The following TMC1 variants were observed in gnomAD, a reference collection of about 807,000 sequenced individuals.
The protein encoded by TMC1 is transmembrane channel like 1.
In TMC1, 84 loss-of-function variants were observed where a neutral mutation model predicts 105.8. The ratio of observed to expected loss-of-function variants is 0.79; its 90% CI spans 0.67 to 0.95. The LOEUF (loss-of-function observed/expected upper bound fraction) is 0.95, where lower values mean the gene tolerates loss of function less well. TMC1 is among the 40% of genes least tolerant of loss of function. The pLI is 0.00. For synonymous variants in TMC1, 315 were observed against 311.5 expected (o/e 1.01, Z -0.12); for missense variants, 817 against 914.1 (o/e 0.89, Z 1.37).
intron 1 of TMC1, among the ~76,000 whole-genome samples, chr9:72,569,093 C>A (rs1824220143): frequency 6.6e-6 from 1 of 152,014 alleles, no homozygotes; most frequent in African/African-American, 2.4e-5. Flanking sequence ...CCTCAGATAC[C>A]AAAATTTGGA....
intron 8 of TMC1, among the ~76,000 whole-genome samples, chr9:72,733,215 T>TAG (rs1302573732): frequency 1.3e-5 from 2 of 151,074 alleles, no homozygotes; most frequent in African/African-American, 2.4e-5. Flanking sequence ...TTGAGAGAGA[T>TAG]AGAGAGAGAG....
At chr9:72,594,209 T>C (rs1824684053) in intron 2 of TMC1, among the ~76,000 whole-genome samples, 1 of 152,058 alleles carries the variant, frequency 6.6e-6, no homozygotes, top group Non-Finnish European at 1.5e-5. Flanking sequence ...CCTGAAGAAA[T>C]GGACAAAGCA....
intron 6 of TMC1, among the ~76,000 whole-genome samples, chr9:72,690,645 C>A (rs1348448796): frequency 6.6e-6 from 1 of 152,096 alleles, no homozygotes; most frequent in East Asian, 1.9e-4. Context: ...TTTAAAATAT[C>A]ATCCTACTTT....
At chr9:72,752,325 TTGCCAAGTTAG>T (rs1827592978) in intron 11 of TMC1, among the ~76,000 whole-genome samples, 2 of 152,160 alleles carry the variant, frequency 1.3e-5, no homozygotes, top group African/African-American at 2.4e-5. Context: ...TTTCTTTATT[TTGCCAAGTTAG>T]CTTTGAAAGA....
chr9:72,696,785 A>C (rs1332544220), intron 7 of TMC1, among the ~76,000 whole-genome samples: 1 of 152,188 alleles, frequency 6.6e-6, no homozygotes, highest in Non-Finnish European at 1.5e-5. Flanking sequence ...TATTCATAGC[A>C]GTGAGAAATT....
chr9:72,523,765 G>T (rs998039275), intron 1 of TMC1, among the ~76,000 whole-genome samples: 2 of 151,918 alleles, frequency 1.3e-5, no homozygotes, highest in African/African-American at 4.8e-5. Flanking sequence ...CATATGAGTG[G>T]ACCCATGCAG....
intron 5 of TMC1, among the ~76,000 whole-genome samples, chr9:72,651,850 G>A (rs753430033): frequency 1.1e-4 from 17 of 152,082 alleles, no homozygotes; most frequent in Non-Finnish European, 1.5e-4. Context: ...AGATTTTGGT[G>A]CACCTATCAC....
At chr9:72,831,939 T>G (rs926137173) in intron 23 of TMC1, among the ~76,000 whole-genome samples, 2 of 151,744 alleles carry the variant, frequency 1.3e-5, no homozygotes, top group African/African-American at 4.8e-5. Context: ...TTATAATCCT[T>G]TGGGTATATA....
chr9:72,548,216 C>T (rs1178728921), intron 1 of TMC1, among the ~76,000 whole-genome samples: 4 of 152,030 alleles, frequency 2.6e-5, no homozygotes, highest in African/African-American at 9.7e-5. Flanking sequence ...ATGTAGAATA[C>T]AGTATTTATT....
intron 1 of TMC1, among the ~76,000 whole-genome samples, chr9:72,553,214 C>A (rs984929774): frequency 6.6e-6 from 1 of 152,116 alleles, no homozygotes; most frequent in Admixed American, 6.6e-5. Context: ...CTCAGGTGAT[C>A]CACCGGCCTC....
intron 8 of TMC1, 72 bp downstream of exon 8, chr9:72,700,715 TATA>T: frequency 2.2e-5 from 2 of 89,624 alleles, no homozygotes; most frequent in Non-Finnish European, 2.7e-5. Context: ...GAATATTCCA[TATA>T]TATATATATA....
In TMC1 at chr9:72,722,012, A is replaced by G. The variant is rs1255208203; in HGVS notation, c.363-18107A>G. 2.6e-5 allele frequency among the ~76,000 whole-genome samples: 4 copies of G among 152,180 alleles called. No individual in the cohort carries two copies. In the East Asian group the frequency reaches 5.8e-4, roughly 22 times the overall value. On this transcript the variant is annotated intron_variant, in intron 8 of 23. Coordinates refer to ENST00000297784, the MANE Select transcript of TMC1 (RefSeq NM_138691.3). ...AACTTACTTTCCAAAGCAAACTCTC[A>G]TTAATTACTGATGATGACCATGAGG... is the stretch of plus-strand genomic sequence containing the variant.
chr9:72,804,662 G>A (rs528682428), intron 17 of TMC1, among the ~76,000 whole-genome samples: 16 of 152,298 alleles, frequency 1.1e-4, no homozygotes, highest in Admixed American at 2.6e-4. Context: ...GGATTTTCTT[G>A]ATCAAGCTCC....
intron 2 of TMC1, among the ~76,000 whole-genome samples, chr9:72,614,579 T>C (rs1825089564): frequency 6.6e-6 from 1 of 152,232 alleles, no homozygotes; most frequent in Admixed American, 6.5e-5. Context: ...AGGGAATAAC[T>C]TGGCCTTAAA....
At chr9:72,529,834 G>A (rs191296825) in intron 1 of TMC1, among the ~76,000 whole-genome samples, 1 of 152,254 alleles carries the variant, frequency 6.6e-6, no homozygotes, top group East Asian at 1.9e-4. Context: ...TCCCTCACCT[G>A]CAGCTAGATA....
chr9:72,669,213 G>A (rs1826090435), intron 5 of TMC1, among the ~76,000 whole-genome samples: 1 of 152,170 alleles, frequency 6.6e-6, no homozygotes, highest in Non-Finnish European at 1.5e-5. Flanking sequence ...GGAAGCTGAG[G>A]CAGGAGGATC....
chr9:72,791,841 C>A (rs1828272366), intron 15 of TMC1, 45 bp from the exon 16 acceptor site: 2 of 1,560,038 alleles, frequency 1.3e-6, no homozygotes, highest in Non-Finnish European at 1.8e-6. Context: ...GCAATAATAA[C>A]TTTAAACACC....
At chr9:72,653,216 T>A (rs1825839244) in intron 5 of TMC1, among the ~76,000 whole-genome samples, 1 of 152,190 alleles carries the variant, frequency 6.6e-6, no homozygotes, top group African/African-American at 2.4e-5. Flanking sequence ...AAAGCGTTTA[T>A]AGATTCATGT....
intron 2 of TMC1, among the ~76,000 whole-genome samples, chr9:72,607,140 A>G (rs1314656775): frequency 6.6e-6 from 1 of 151,932 alleles, no homozygotes; most frequent in Non-Finnish European, 1.5e-5. Context: ...TAGATACTCA[A>G]TAAATGTTTT....
Sources: gnomAD v4.1 joint callset for allele counts (sites outside exome capture counted in the v4.1 genomes callset) on GRCh38, gnomAD v4.1.1 for gene constraint, MANE v1.5 for transcripts, NCBI Gene and HGNC (gene_info 2026-07-23, HGNC 2026-07-21) for gene names.